Variants in ZNF701 observed in about 807,000 individuals in gnomAD.
ZNF701 encodes the protein zinc finger protein 701.
In ZNF701, 6 loss-of-function variants were observed where a neutral mutation model predicts 7.1. The ratio of observed to expected loss-of-function variants is 0.84; its 90% CI spans 0.46 to 1.66. The LOEUF (loss-of-function observed/expected upper bound fraction) is 1.66, where lower values mean the gene tolerates loss of function less well. Ranked by LOEUF, ZNF701 falls within the 40% of genes most tolerant of loss-of-function variation. ZNF701 has a pLI of 0.01. For missense variants in ZNF701, 541 were observed against 559.2 expected (o/e 0.97, Z 0.33); for synonymous variants, 166 against 188.2 (o/e 0.88, Z 0.97).
the ZNF701 span, chr19:52,592,306 G>C: frequency 6.5e-6 from 9 of 1,391,352 alleles, no homozygotes; most frequent in South Asian, 1.1e-4. Context: ...ATTCTCTTTT[G>C]TGATGTTGCC....
chr19:52,579,520 CAAAAAAAAAAAA>C (rs34682718), intron 3 of ZNF701, among the ~76,000 whole-genome samples: 1 of 60,194 alleles, frequency 1.7e-5, no homozygotes. Flanking sequence ...AACTCTGTCT[CAAAAAAAAAAAA>C]AAAAAAAAAA....
At chr19:52,574,479 A>G (rs113491880) in intron 2 of ZNF701, among the ~76,000 whole-genome samples, 2,417 of 152,290 alleles carry the variant, frequency 0.016, 63 homozygotes, top group African/African-American at 0.055. Flanking sequence ...ATCTGGATGC[A>G]CTGTCAACTC....
intron 1 of ZNF701, 33 bp from the exon 2 acceptor site, chr19:52,574,044 C>A: frequency 6.3e-7 from 1 of 1,597,442 alleles, no homozygotes. Context: ...TGTGTTGATT[C>A]TGAGCAGTAA....
At position 52,586,649 on chromosome 19, in the gene ZNF701, CG is replaced by C. The variant is rs2060013986; in HGVS notation, c.*3194del. The C allele has an allele frequency of 6.6e-6, 1 of 152,106 alleles. No homozygotes were observed. The highest frequency in any genetic ancestry group is 1.5e-5 in the Non-Finnish European group (1 of 68,038). 9.4% of individuals were successfully genotyped at this position (152,106 alleles called of 1,614,324 possible). A position where few individuals can be genotyped will look rare whatever the true frequency, so the allele number is the denominator to read the frequency against. On this transcript the variant is annotated 3_prime_UTR_variant, in exon 4 of 4. Transcript: ENST00000391785. The stretch of plus-strand genomic sequence containing the variant: ...AGCGACTCTTCCTTCTTACAAAACT[CG>C]GAGCTTCTCAGGATAACTTGGTGAA...
At chr19:52,600,086 C>G in the ZNF701 span, among the ~76,000 whole-genome samples, 2 of 152,172 alleles carry the variant, frequency 1.3e-5, no homozygotes, top group African/African-American at 4.8e-5. Flanking sequence ...AGCTCTTTTC[C>G]TCTATTTCCC....
intron 1 of ZNF701, among the ~76,000 whole-genome samples, chr19:52,571,505 C>T (rs995913895): frequency 1.3e-5 from 2 of 152,046 alleles, no homozygotes; most frequent in Non-Finnish European, 2.9e-5. Context: ...TTAAATAAGA[C>T]GTGAGGATGG....
intron 1 of ZNF701, among the ~76,000 whole-genome samples, chr19:52,571,442 A>G (rs1225966613): frequency 1.3e-5 from 2 of 152,132 alleles, no homozygotes; most frequent in Non-Finnish European, 2.9e-5. Context: ...AGAGGCGGAA[A>G]TATATGGAGA....
At chr19:52,595,889 C>T in the ZNF701 span, 1 of 1,613,010 alleles carries the variant, frequency 6.2e-7, no homozygotes, top group African/African-American at 1.3e-5. Flanking sequence ...TATTAAAGAT[C>T]AGCTTGGATC....
chr19:52,578,600 A>T (rs1215194166), intron 3 of ZNF701, among the ~76,000 whole-genome samples: 1 of 152,238 alleles, frequency 6.6e-6, no homozygotes, highest in African/African-American at 2.4e-5. Flanking sequence ...CTAAGCCCGC[A>T]GGGCTGGACC....
the ZNF701 span, among the ~76,000 whole-genome samples, chr19:52,593,003 A>G: frequency 8.6e-6 from 1 of 116,662 alleles, no homozygotes; most frequent in Non-Finnish European, 1.9e-5. Flanking sequence ...GCTGCCTTCA[A>G]GCATCTGTTT....
At position 52,585,796 on chromosome 19, in the gene ZNF701, A is replaced by G. The variant is rs1049387051; in HGVS notation, c.*2339A>G. The G allele has an allele frequency of 2.6e-5, 4 of 152,264 alleles. No individual in the cohort carries two copies. The highest frequency in any genetic ancestry group is 9.6e-5 in the African/African-American group (4 of 41,466). 9.4% of individuals were successfully genotyped at this position (152,264 alleles called of 1,614,324 possible). On this transcript the variant is annotated 3_prime_UTR_variant, in exon 4 of 4. Transcript: ENST00000391785. Reference sequence around the variant, plus strand: ...GTAAATTGGCCTGAGGCCAGAGCAGATGGGTGCCCTATGCAGATGAAGGGG... The same window carrying G: ...GTAAATTGGCCTGAGGCCAGAGCAGGTGGGTGCCCTATGCAGATGAAGGGG...
chr19:52,587,631 C>T (rs1035693253), downstream of ZNF701, among the ~76,000 whole-genome samples: 2 of 152,204 alleles, frequency 1.3e-5, no homozygotes, highest in African/African-American at 2.4e-5. Context: ...GCTCCTTCAC[C>T]GTTCACTGGA....
chr19:52,596,528 A>G, the ZNF701 span: 1 of 410,494 alleles, frequency 2.4e-6, no homozygotes, highest in Non-Finnish European at 4.9e-6. Flanking sequence ...CTGGAGAGAA[A>G]TGTTACACAT....
At chr19:52,593,990 G>A in the ZNF701 span, 8 of 124,498 alleles carry the variant, frequency 6.4e-5, 2 homozygotes, top group South Asian at 4.5e-4. Context: ...AGGTTGTAGC[G>A]AGCCGAGATC....
chr19:52,575,697 T>A (rs552946793), intron 2 of ZNF701, 198 bp from the exon 3 acceptor site: 36 of 416,952 alleles, frequency 8.6e-5, no homozygotes, highest in African/African-American at 7.8e-4. Context: ...CAATTCATAC[T>A]GAGAGGGTAT....
intron 3 of ZNF701, among the ~76,000 whole-genome samples, chr19:52,578,134 G>C (rs967928445): frequency 4.0e-5 from 6 of 151,052 alleles, no homozygotes; most frequent in African/African-American, 1.5e-4. Flanking sequence ...GGCACTTGTA[G>C]TCCCAGCTAC....
rs769554516 is a variant in ZNF701, at chr19:52,575,751, A to G, written c.16-144A>G. The G allele has an allele frequency of 3.4e-5, 20 of 580,476 alleles. No homozygotes were observed. The Admixed American group carries it at 6.3e-4, about 18-fold the overall frequency. 36.0% of individuals were successfully genotyped at this position (580,476 alleles called of 1,614,324 possible). A position where few individuals can be genotyped will look rare whatever the true frequency, so the allele number is the denominator to read the frequency against. The stretch of plus-strand genomic sequence containing the variant: ...TATAATCAAACACCACTGGGAAGAC[A>G]TCATGTGGTGAAGAATCCCTTACTT... On this transcript the variant is annotated intron_variant, in intron 2 of 3. Transcript: ENST00000391785.
chr19:52,598,340 T>C, the ZNF701 span, among the ~76,000 whole-genome samples: 8 of 152,078 alleles, frequency 5.3e-5, no homozygotes. Context: ...AAGTTGAAAA[T>C]GGTTTTAATG....
Position 52,575,895 on chromosome 19 carries a change from G to C in ZNF701, c.16G>C (p.Gly6Arg). 6.6e-7 allele frequency: 1 copy of C among 1,504,240 alleles called. No homozygotes were observed. The highest frequency in any genetic ancestry group is 8.9e-7 in the Non-Finnish European group (1 of 1,119,624). The allele number at this position is 1,504,240 out of a possible 1,614,324, so 93.2% of individuals were successfully genotyped here. A position where few individuals can be genotyped will look rare whatever the true frequency, so the allele number is the denominator to read the frequency against. Residue 6 changes from glycine to arginine, a missense_variant and splice_region_variant, in exon 3 of 4, where the codon GGT becomes CGT. Coordinates refer to ENST00000391785, the MANE Select transcript of ZNF701 (RefSeq NM_018260.3). MALLQ[G>R]LLTFRDVAIE... is the part of the protein sequence containing the mutation. Reference sequence around the variant, plus strand: ...TGCTTAAAATGTGTTTTCCTTTCAGGGTCTACTGACATTCAGGGATGTGGC... The same window carrying C: ...TGCTTAAAATGTGTTTTCCTTTCAGCGTCTACTGACATTCAGGGATGTGGC...
Sources: gnomAD v4.1 joint callset for allele counts (sites outside exome capture counted in the v4.1 genomes callset) on GRCh38, gnomAD v4.1.1 for gene constraint, MANE v1.5 for transcripts, NCBI Gene and HGNC (gene_info 2026-07-23, HGNC 2026-07-21) for gene names.